ITPKB: variants seen among roughly 807,000 people sequenced by gnomAD.
ITPKB encodes inositol-trisphosphate 3-kinase B.
ITPKB carries 13 observed loss-of-function variants against 69.4 expected under a neutral mutation model. The observed-to-expected ratio is 0.19, with a 90% CI of 0.12 to 0.30. ITPKB has a LOEUF of 0.30. Ranked by LOEUF, ITPKB falls within the 10% of genes least tolerant of loss-of-function variation. ITPKB has a pLI of 1.00. For synonymous variants in ITPKB, 584 were observed against 513.7 expected (o/e 1.14, Z -1.85); for missense variants, 1,240 against 1,250.5 (o/e 0.99, Z 0.13).
chr1:226,648,175 C>T (rs1290580989), intron 3 of ITPKB, among the ~76,000 whole-genome samples: 3 of 152,236 alleles, frequency 2.0e-5, no homozygotes, highest in Non-Finnish European at 2.9e-5. Flanking sequence ...TATGGGGTGG[C>T]TTGGCCGCAT....
At chr1:226,721,326 C>T (rs1176173345) in intron 2 of ITPKB, among the ~76,000 whole-genome samples, 2 of 96,452 alleles carry the variant, frequency 2.1e-5, no homozygotes, top group African/African-American at 8.4e-5. Context: ...CCAGCCTGGG[C>T]AACAAGAACA....
At chr1:226,689,612 T>TGTGTGC (rs1491450378) in intron 2 of ITPKB, among the ~76,000 whole-genome samples, 5 of 145,294 alleles carry the variant, frequency 3.4e-5, no homozygotes, top group Non-Finnish European at 6.1e-5. Context: ...TGTGTGTGTG[T>TGTGTGC]GCATGCATAT....
rs1463872495 is a variant in ITPKB at position 226,637,542 on chromosome 1, G to A, written c.2625+137C>T. ...GAGACGCAGCTCCCCCGTGCAGCGAGGGTCTGGTCCCTGATGGCCTGCCTC... is the reference window on the plus strand; with the variant it reads ...GAGACGCAGCTCCCCCGTGCAGCGAAGGTCTGGTCCCTGATGGCCTGCCTC... On this transcript the variant is annotated intron_variant, in intron 7 of 7. Coordinates refer to ENST00000429204, the MANE Select transcript of ITPKB (RefSeq NM_002221.4). This position sits in a 1 kb window ranked among gnomAD's most constrained non-coding sequence, Gnocchi z 4.3. The A allele has an allele frequency of 4.4e-6, 3 of 685,672 alleles. No individual in the cohort carries two copies. Among genetic ancestry groups the A allele is most frequent in the Non-Finnish European group, 7.8e-6 (3 of 382,542 alleles). The allele number at this position is 685,672 out of a possible 1,614,324, so 42.5% of individuals were successfully genotyped here. A position where few individuals can be genotyped will look rare whatever the true frequency, so the allele number is the denominator to read the frequency against.
intron 2 of ITPKB, among the ~76,000 whole-genome samples, chr1:226,697,347 C>T (rs1057083239): frequency 2.6e-5 from 4 of 152,190 alleles, no homozygotes; most frequent in African/African-American, 9.7e-5. Context: ...CTTTCTGCAC[C>T]AATAAGCAAA....
At chr1:226,645,778 C>A (rs1364020113) in intron 4 of ITPKB, among the ~76,000 whole-genome samples, 1 of 152,194 alleles carries the variant, frequency 6.6e-6, no homozygotes, top group Non-Finnish European at 1.5e-5. Context: ...CCTGCCCTAT[C>A]CCAGGTCCCT....
In ITPKB at chr1:226,699,154, A is replaced by G. The variant is rs1656569709; in HGVS notation, c.1932+36373T>C. Among the ~76,000 whole-genome samples, 3 of 152,252 alleles carry G rather than the reference A, an allele frequency of 2.0e-5. No individual in the cohort carries two copies. The South Asian group carries it at 6.2e-4, about 31-fold the overall frequency. ...AGGCCAACTGAGAAAAGTCTCATCTAGAAGGAAAGTACTCAGTGCGCTATC... is the reference window on the plus strand; with the variant it reads ...AGGCCAACTGAGAAAAGTCTCATCTGGAAGGAAAGTACTCAGTGCGCTATC... On this transcript the variant is annotated intron_variant, in intron 2 of 7. Coordinates refer to ENST00000429204, the MANE Select transcript of ITPKB (RefSeq NM_002221.4).
At chr1:226,699,146 T>G (rs1656569516) in intron 2 of ITPKB, among the ~76,000 whole-genome samples, 1 of 152,156 alleles carries the variant, frequency 6.6e-6, no homozygotes, top group Non-Finnish European at 1.5e-5. Flanking sequence ...CTGAGAAAAG[T>G]CTCATCTAGA....
At position 226,637,874 on chromosome 1, in the gene ITPKB, A is replaced by C; in HGVS notation, c.2554-124T>G. The C allele has an allele frequency of 2.8e-6, 2 of 711,886 alleles. No individual in the cohort carries two copies. The highest frequency in any genetic ancestry group is 1.8e-5 in the African/African-American group (1 of 56,582). The allele number at this position is 711,886 out of a possible 1,614,324, so 44.1% of individuals were successfully genotyped here. ...TTTACCCTAAACGCCGGACATCTAGAGGCAGCTTCCTGCGAGCAGGGCTGC... is the reference window on the plus strand; with the variant it reads ...TTTACCCTAAACGCCGGACATCTAGCGGCAGCTTCCTGCGAGCAGGGCTGC... On this transcript the variant is annotated intron_variant, in intron 6 of 7. Coordinates refer to ENST00000429204, the MANE Select transcript of ITPKB (RefSeq NM_002221.4). The surrounding 1 kb of genome is among the most constrained non-coding windows in gnomAD (Gnocchi z 4.3).
chr1:226,664,404 G>A (rs964576750), intron 2 of ITPKB, among the ~76,000 whole-genome samples: 6 of 152,224 alleles, frequency 3.9e-5, no homozygotes, highest in African/African-American at 1.4e-4. Context: ...CATCTCCAAA[G>A]AGAGCAAACC....
At chr1:226,715,952 A>G (rs534973802) in intron 2 of ITPKB, among the ~76,000 whole-genome samples, 28 of 152,210 alleles carry the variant, frequency 1.8e-4, no homozygotes, top group Admixed American at 5.2e-4. Flanking sequence ...CTAGGACTAC[A>G]GGTGCCCGTC....
intron 2 of ITPKB, among the ~76,000 whole-genome samples, chr1:226,678,068 G>A (rs1332751981): frequency 6.6e-6 from 1 of 152,114 alleles, no homozygotes; most frequent in Non-Finnish European, 1.5e-5. Context: ...AAGACATGTT[G>A]CCAGTCAATA....
Position 226,639,547 on chromosome 1 carries a change from C to A in ITPKB, c.2553+10G>T. ...GCTGGAGAGACCCTCTCTGGAGGTG[C>A]CAGACTCACCAGGATGTTATGGTTT... On this transcript the variant is annotated intron_variant, in intron 6 of 7. Coordinates refer to ENST00000429204, the MANE Select transcript of ITPKB (RefSeq NM_002221.4). 2.6e-6 allele frequency: 4 copies of A among 1,562,654 alleles called. No homozygotes were observed. In the South Asian group the frequency reaches 4.4e-5, roughly 17 times the overall value.
At chr1:226,724,501 G>GT (rs1389950021) in intron 2 of ITPKB, among the ~76,000 whole-genome samples, 1 of 152,216 alleles carries the variant, frequency 6.6e-6, no homozygotes, top group Admixed American at 6.5e-5. Context: ...CGAGCATTTA[G>GT]TATGTCCAGA....
Position 226,637,790 on chromosome 1 carries a change from G to C in ITPKB, c.2554-40C>G, listed in dbSNP as rs749444550. On this transcript the variant is annotated intron_variant, in intron 6 of 7. Coordinates refer to ENST00000429204, the MANE Select transcript of ITPKB (RefSeq NM_002221.4). The surrounding 1 kb of genome is among the most constrained non-coding windows in gnomAD (Gnocchi z 4.3). ...AGGACCAGATTTTTAAGCGCCGCGT[G>C]GGGAAGGGCAGTGTCAGAACACCCA... The C allele has an allele frequency of 6.7e-7, 1 of 1,501,062 alleles. No individual in the cohort carries two copies. Among genetic ancestry groups the C allele is most frequent in the Admixed American group, 1.7e-5 (1 of 58,758 alleles). 93.0% of individuals were successfully genotyped at this position (1,501,062 alleles called of 1,614,324 possible). A position where few individuals can be genotyped will look rare whatever the true frequency, so the allele number is the denominator to read the frequency against.
intron 2 of ITPKB, among the ~76,000 whole-genome samples, chr1:226,702,977 C>G (rs1571865489): frequency 6.6e-6 from 1 of 152,134 alleles, no homozygotes; most frequent in Non-Finnish European, 1.5e-5. Context: ...GCTGGTGTAA[C>G]TGCAGGAGGT....
At chr1:226,673,380 A>G (rs1478170867) in intron 2 of ITPKB, among the ~76,000 whole-genome samples, 1 of 152,212 alleles carries the variant, frequency 6.6e-6, no homozygotes. Flanking sequence ...AACAATAAAT[A>G]AAATAAAACA....
chr1:226,634,860 G>C lies in ITPKB; in HGVS notation c.2652C>G (p.Ile884Met). The change falls in exon 8 of 8, where the codon ATC becomes ATG. Residue 884 changes from isoleucine to methionine, a missense_variant. Coordinates refer to ENST00000429204, the MANE Select transcript of ITPKB (RefSeq NM_002221.4). This position sits in a 1 kb window ranked among gnomAD's most constrained non-coding sequence, Gnocchi z 6.3. ...CTTTGGCCTGTTCCTTCTTGTCGTG[G>C]ATGAAGAGGAGGGAGCTGCCAATGA... ...HEVIGSSLLF[I>M]HDKKEQAKVW... 6.2e-7 allele frequency: 1 copy of C among 1,613,928 alleles called. No individual in the cohort carries two copies. Among genetic ancestry groups the C allele is most frequent in the East Asian group, 2.2e-5 (1 of 44,878 alleles).
Position 226,690,049 on chromosome 1 carries a change from C to T in ITPKB, c.1933-41278G>A, listed in dbSNP as rs1348540967. 2.0e-5 allele frequency among the ~76,000 whole-genome samples: 3 copies of T among 152,090 alleles called. No individual in the cohort carries two copies. In the East Asian group the frequency reaches 5.8e-4, roughly 29 times the overall value. On this transcript the variant is annotated intron_variant, in intron 2 of 7. Coordinates refer to ENST00000429204, the MANE Select transcript of ITPKB (RefSeq NM_002221.4). ...CATTTGGGTTGATTCCATGTCTTTG[C>T]CATTATGGAACAGTGCTGCAATGAA...
intron 2 of ITPKB, among the ~76,000 whole-genome samples, chr1:226,655,792 A>G (rs1305785759): frequency 1.3e-5 from 2 of 152,182 alleles, no homozygotes; most frequent in South Asian, 2.1e-4. Context: ...AACCAATGTT[A>G]TATTTCTCAG....
Sources: gnomAD v4.1 joint callset for allele counts (sites outside exome capture counted in the v4.1 genomes callset) on GRCh38, gnomAD v4.1.1 for gene constraint, Gnocchi (gnomAD v3.1) non-coding constraint, MANE v1.5 for transcripts, NCBI Gene and HGNC (gene_info 2026-07-23, HGNC 2026-07-21) for gene names.